The following SDK1 variants were observed in gnomAD, a reference collection of about 807,000 sequenced individuals.
The protein encoded by SDK1 is sidekick cell adhesion molecule 1, also known as protein sidekick-1.
A neutral mutation model predicts 245.5 loss-of-function variants in SDK1; 157 were observed. The observed-to-expected ratio is 0.64, with a 90% CI of 0.56 to 0.73. The LOEUF (loss-of-function observed/expected upper bound fraction) is 0.73, where lower values mean the gene tolerates loss of function less well. Ranked by LOEUF, SDK1 falls within the 30% of genes least tolerant of loss-of-function variation. SDK1 has a pLI of 0.00. For missense variants in SDK1, 3,583 were observed against 3,002.3 expected (o/e 1.19, Z -4.52); for synonymous variants, 1,647 against 1,278.5 (o/e 1.29, Z -6.15).
intron 40 of SDK1, among the ~76,000 whole-genome samples, chr7:4,228,634 G>T (rs923802848): frequency 6.6e-6 from 1 of 152,128 alleles, no homozygotes; most frequent in Non-Finnish European, 1.5e-5. Flanking sequence ...TCACCTCCCG[G>T]GATCAAGCGA....
intron 14 of SDK1, among the ~76,000 whole-genome samples, chr7:3,998,501 C>T (rs933716584): frequency 6.6e-6 from 1 of 152,148 alleles, no homozygotes. Flanking sequence ...TTTAGAAATA[C>T]CCCTACGTTT....
rs146291387 is a variant in SDK1, at chr7:4,157,183, G to A, written c.4626-1265G>A. Among the ~76,000 whole-genome samples, 362 of 152,170 alleles carry A rather than the reference G, an allele frequency of 2.4e-3. 2 individuals carry two copies. The highest frequency in any genetic ancestry group is 8.5e-3 in the African/African-American group (353 of 41,522). On this transcript the variant is annotated intron_variant, in intron 30 of 44. Transcript: ENST00000404826. ...GTCTGCACGGAAGAGTTTGGCTGAA[G>A]TCTTAGTCTCAGGCATGGCATGGGG... is the stretch of plus-strand genomic sequence containing the variant.
chr7:3,317,581 C>T (rs567910066), intron 1 of SDK1, among the ~76,000 whole-genome samples: 1 of 151,984 alleles, frequency 6.6e-6, no homozygotes, highest in South Asian at 2.1e-4. Context: ...TCTCTCCATT[C>T]ATTGACTATC....
chr7:3,861,126 T>C (rs1354009377), intron 5 of SDK1, among the ~76,000 whole-genome samples: 1 of 151,842 alleles, frequency 6.6e-6, no homozygotes. Flanking sequence ...TTGCACATGA[T>C]CACAGGGAGA....
intron 5 of SDK1, among the ~76,000 whole-genome samples, chr7:3,940,486 T>C (rs1007026528): frequency 2.6e-5 from 4 of 152,174 alleles, no homozygotes; most frequent in Non-Finnish European, 4.4e-5. Flanking sequence ...CATCTTCTTC[T>C]TCCTTCCCAG....
At chr7:4,059,051 C>T (rs1010133121) in intron 19 of SDK1, among the ~76,000 whole-genome samples, 1 of 152,094 alleles carries the variant, frequency 6.6e-6, no homozygotes, top group Non-Finnish European at 1.5e-5. Flanking sequence ...AACCAGAAAT[C>T]AATTAATAAT....
chr7:3,656,641 G>A (rs1477655716), intron 4 of SDK1, among the ~76,000 whole-genome samples: 1 of 152,116 alleles, frequency 6.6e-6, no homozygotes, highest in African/African-American at 2.4e-5. Flanking sequence ...GGAAAGCCAA[G>A]GGTCAGTGGG....
At chr7:3,550,801 C>T (rs920607542) in intron 1 of SDK1, among the ~76,000 whole-genome samples, 2 of 152,052 alleles carry the variant, frequency 1.3e-5, no homozygotes, top group Admixed American at 6.5e-5. Context: ...TGCCATATTT[C>T]CTTCTATTTT....
Position 3,525,962 on chromosome 7 carries a change from C to A in SDK1, c.299-93118C>A, listed in dbSNP as rs111809852. Among the ~76,000 whole-genome samples, 1,519 of 152,154 alleles carry A rather than the reference C, an allele frequency of 1.0e-2. 25 individuals are homozygous for A. The highest frequency in any genetic ancestry group is 0.03 in the African/African-American group (1,253 of 41,510). ...GTAATTCACATTGTGGGCCAGGCGC[C>A]GTGGCTCACACCTGTAATCTTAGCA... On this transcript the variant is annotated intron_variant, in intron 1 of 44. Transcript: ENST00000404826.
At chr7:3,955,743 G>A (rs1781208973) in intron 7 of SDK1, among the ~76,000 whole-genome samples, 1 of 152,238 alleles carries the variant, frequency 6.6e-6, no homozygotes, top group Non-Finnish European at 1.5e-5. Flanking sequence ...GGGGATGGGA[G>A]AGCAGGAAAA....
intron 4 of SDK1, among the ~76,000 whole-genome samples, chr7:3,682,740 C>T (rs1462698061): frequency 1.4e-5 from 2 of 147,636 alleles, no homozygotes; most frequent in African/African-American, 5.0e-5. Flanking sequence ...TTTTTTTAAA[C>T]AGAGTTTTGC....
chr7:3,771,964 T>G (rs62437940), intron 4 of SDK1, among the ~76,000 whole-genome samples: 4 of 152,212 alleles, frequency 2.6e-5, no homozygotes, highest in Admixed American at 6.5e-5. Flanking sequence ...TTTTGTCTTA[T>G]GAGTTTGTCT....
chr7:3,462,456 A>G (rs1176031660), intron 1 of SDK1, among the ~76,000 whole-genome samples: 6 of 152,134 alleles, frequency 3.9e-5, no homozygotes, highest in Admixed American at 2.0e-4. Context: ...TTCCTAAGCT[A>G]TTTCATTCAT....
chr7:3,814,661 T>C (rs1207906968), intron 4 of SDK1, among the ~76,000 whole-genome samples: 1 of 152,100 alleles, frequency 6.6e-6, no homozygotes, highest in Non-Finnish European at 1.5e-5. Flanking sequence ...AAGTCATTGG[T>C]AGCTTGATTG....
chr7:4,228,878 G>A (rs1785588300), intron 40 of SDK1, among the ~76,000 whole-genome samples: 1 of 152,104 alleles, frequency 6.6e-6, no homozygotes, highest in South Asian at 2.1e-4. Context: ...GTTCACTGGG[G>A]AAGAGAAACC....
At chr7:3,580,132 G>A (rs530686474) in intron 1 of SDK1, among the ~76,000 whole-genome samples, 17 of 152,210 alleles carry the variant, frequency 1.1e-4, no homozygotes, top group Middle Eastern at 3.4e-3. Context: ...ACTGTTCAAA[G>A]AAATCAGAGA....
intron 4 of SDK1, among the ~76,000 whole-genome samples, chr7:3,695,788 G>A (rs1038464355): frequency 1.3e-5 from 2 of 152,186 alleles, no homozygotes; most frequent in Non-Finnish European, 2.9e-5. Flanking sequence ...GCAACCGCTA[G>A]ACGTAGCCTG....
At chr7:3,854,421 T>G (rs1780491243) in intron 5 of SDK1, among the ~76,000 whole-genome samples, 1 of 152,218 alleles carries the variant, frequency 6.6e-6, no homozygotes, top group South Asian at 2.1e-4. Context: ...GCTTGCTAAA[T>G]GTTAATGATT....
intron 32 of SDK1, among the ~76,000 whole-genome samples, chr7:4,173,160 C>T (rs1341295588): frequency 1.3e-5 from 2 of 152,218 alleles, no homozygotes; most frequent in African/African-American, 2.4e-5. Context: ...GACGAGGCTT[C>T]GTGGCCTCGT....
Sources: gnomAD v4.1 joint callset for allele counts (sites outside exome capture counted in the v4.1 genomes callset) on GRCh38, gnomAD v4.1.1 for gene constraint, MANE v1.5 for transcripts, NCBI Gene and HGNC (gene_info 2026-07-23, HGNC 2026-07-21) for gene names.